Variants in IMMP2L observed in about 807,000 individuals in gnomAD.
The protein encoded by IMMP2L is inner mitochondrial membrane peptidase subunit 2, also known as mitochondrial inner membrane protease subunit 2.
A neutral mutation model predicts 19.3 loss-of-function variants in IMMP2L; 18 were observed. The ratio of observed to expected loss-of-function variants is 0.93; its 90% CI spans 0.64 to 1.38. The LOEUF (loss-of-function observed/expected upper bound fraction) is 1.38. Ranked by LOEUF, IMMP2L falls within the 40% of genes most tolerant of loss-of-function variation. The pLI, the probability that IMMP2L is intolerant of heterozygous loss-of-function variation, is 0.00. For synonymous variants in IMMP2L, 76 were observed against 73.0 expected (o/e 1.04, Z -0.21); for missense variants, 233 against 218.2 (o/e 1.07, Z -0.43).
intron 3 of IMMP2L, among the ~76,000 whole-genome samples, chr7:111,478,778 G>GT (rs2132177007): frequency 6.6e-6 from 1 of 152,142 alleles, no homozygotes; most frequent in Non-Finnish European, 1.5e-5. Flanking sequence ...CTAGATTACT[G>GT]TGAGACTGTT....
intron 3 of IMMP2L, among the ~76,000 whole-genome samples, chr7:111,009,864 T>C (rs917483742): frequency 6.6e-6 from 1 of 152,074 alleles, no homozygotes; most frequent in African/African-American, 2.4e-5. Flanking sequence ...TGAAGAGAAA[T>C]TCAACAAAGG....
At chr7:111,358,191 G>T (rs1828907003) in intron 3 of IMMP2L, among the ~76,000 whole-genome samples, 1 of 148,852 alleles carries the variant, frequency 6.7e-6, no homozygotes, top group Admixed American at 6.8e-5. Context: ...TTCCTTTCTG[G>T]ACTACTCTTT....
intron 3 of IMMP2L, among the ~76,000 whole-genome samples, chr7:111,303,857 G>A (rs1008134464): frequency 1.3e-5 from 2 of 152,002 alleles, no homozygotes; most frequent in Non-Finnish European, 2.9e-5. Context: ...AAAAAAAGGT[G>A]TGATGGAAGG....
intron 3 of IMMP2L, among the ~76,000 whole-genome samples, chr7:111,389,320 AAG>A (rs1832104334): frequency 6.6e-6 from 1 of 152,146 alleles, no homozygotes; most frequent in Non-Finnish European, 1.5e-5. Flanking sequence ...AGCTAAATAC[AAG>A]GCTTAGATTC....
At chr7:111,040,314 A>C (rs2129570772) in intron 3 of IMMP2L, among the ~76,000 whole-genome samples, 1 of 152,314 alleles carries the variant, frequency 6.6e-6, no homozygotes, top group African/African-American at 2.4e-5. Flanking sequence ...GAGTTGCCAA[A>C]ATGACCAATA....
At chr7:111,396,214 T>C (rs1474974999) in intron 3 of IMMP2L, among the ~76,000 whole-genome samples, 1 of 152,158 alleles carries the variant, frequency 6.6e-6, no homozygotes, top group African/African-American at 2.4e-5. Flanking sequence ...GACACGTATG[T>C]TTACTGCAGC....
At chr7:111,026,675 A>G (rs150947619) in intron 3 of IMMP2L, among the ~76,000 whole-genome samples, 1 of 152,292 alleles carries the variant, frequency 6.6e-6, no homozygotes, top group Non-Finnish European at 1.5e-5. Flanking sequence ...ACAAGCACTC[A>G]TTCAAGTAAA....
At chr7:111,315,003 C>G (rs531474269) in intron 3 of IMMP2L, among the ~76,000 whole-genome samples, 10 of 151,958 alleles carry the variant, frequency 6.6e-5, no homozygotes, top group Non-Finnish European at 1.5e-4. Context: ...CAAAGTAAAT[C>G]GGGAGGAAAA....
In IMMP2L at chr7:110,727,005, T is replaced by C. The variant is rs1406713446; in HGVS notation, c.409-63284A>G. ...ACACAGGAGGGACCATTGGCTTTAT[T>C]AGCAAGAATGGAAATGCTTCCTTAG... On this transcript the variant is annotated intron_variant, in intron 5 of 5. Transcript: ENST00000405709. This position sits in a 1 kb window ranked among gnomAD's most constrained non-coding sequence, Gnocchi z 4.3. Among the ~76,000 whole-genome samples, 1 of 152,220 alleles carries C rather than the reference T, an allele frequency of 6.6e-6. No individual in the cohort carries two copies. The highest frequency in any genetic ancestry group is 1.5e-5 in the Non-Finnish European group (1 of 68,036).
intron 4 of IMMP2L, among the ~76,000 whole-genome samples, chr7:110,914,238 C>T (rs768149597): frequency 4.6e-5 from 7 of 152,118 alleles, no homozygotes; most frequent in Non-Finnish European, 8.8e-5. Flanking sequence ...TGATCTCACT[C>T]GTTTAAAATT....
intron 5 of IMMP2L, among the ~76,000 whole-genome samples, chr7:110,863,727 A>G (rs540585732): frequency 6.6e-6 from 1 of 152,284 alleles, no homozygotes; most frequent in South Asian, 2.1e-4. Context: ...TGTTCTGAAT[A>G]CTTAAATATT....
At chr7:111,124,999 A>C in intron 3 of IMMP2L, 2 of 859,936 alleles carry the variant, frequency 2.3e-6, no homozygotes, top group Non-Finnish European at 3.5e-6. Flanking sequence ...ACAAACAAAA[A>C]AGTAAAAAAA....
At chr7:110,798,753 A>G (rs1288521334) in intron 5 of IMMP2L, among the ~76,000 whole-genome samples, 2 of 151,970 alleles carry the variant, frequency 1.3e-5, no homozygotes, top group African/African-American at 4.8e-5. Flanking sequence ...GAAAAAGAGA[A>G]GCAATTACTT....
chr7:110,816,944 T>A (rs1241161856), intron 5 of IMMP2L, among the ~76,000 whole-genome samples: 3 of 152,174 alleles, frequency 2.0e-5, no homozygotes, highest in South Asian at 2.1e-4. Context: ...CGTCTTTTAA[T>A]TGGAGCATTT....
chr7:111,518,216 A>G (rs1340896544), intron 2 of IMMP2L, among the ~76,000 whole-genome samples: 2 of 152,116 alleles, frequency 1.3e-5, no homozygotes, highest in Non-Finnish European at 2.9e-5. Context: ...AGGGAATCTT[A>G]AAAACATGCT....
At chr7:110,848,601 C>T (rs11505901) in intron 5 of IMMP2L, among the ~76,000 whole-genome samples, 5,189 of 152,168 alleles carry the variant, frequency 0.034, 278 homozygotes, top group African/African-American at 0.12. Context: ...CAAAAATCTG[C>T]ACACGAATAT....
intron 3 of IMMP2L, among the ~76,000 whole-genome samples, chr7:110,983,588 C>G (rs980974634): frequency 6.6e-6 from 1 of 151,956 alleles, no homozygotes; most frequent in Non-Finnish European, 1.5e-5. Context: ...TACATGCCTA[C>G]ATGATAATTA....
chr7:111,125,051 T>C, intron 3 of IMMP2L: 2 of 587,450 alleles, frequency 3.4e-6, no homozygotes, highest in Admixed American at 3.6e-5. Flanking sequence ...CCAATGCTGC[T>C]CCTGACCAAT....
chr7:110,781,967 A>C (rs537518962), intron 5 of IMMP2L, among the ~76,000 whole-genome samples: 1 of 152,074 alleles, frequency 6.6e-6, no homozygotes, highest in Non-Finnish European at 1.5e-5. Flanking sequence ...CAATTAATTT[A>C]AAGCCTTTCC....
Sources: gnomAD v4.1 joint callset for allele counts (sites outside exome capture counted in the v4.1 genomes callset) on GRCh38, gnomAD v4.1.1 for gene constraint, Gnocchi (gnomAD v3.1) non-coding constraint, MANE v1.5 for transcripts, NCBI Gene and HGNC (gene_info 2026-07-23, HGNC 2026-07-21) for gene names.